The following PKNOX2 variants were observed in gnomAD, a reference collection of about 807,000 sequenced individuals.
PKNOX2 encodes the protein PBX/knotted 1 homeobox 2.
A neutral mutation model predicts 53.1 loss-of-function variants in PKNOX2; 14 were observed. That is an observed-to-expected ratio of 0.26 (90% confidence interval 0.17 to 0.41). The LOEUF (loss-of-function observed/expected upper bound fraction) is 0.41, where lower values mean the gene tolerates loss of function less well. PKNOX2 is among the 10% of genes least tolerant of loss of function. PKNOX2 has a pLI of 1.00. For synonymous variants in PKNOX2, 257 were observed against 242.8 expected (o/e 1.06, Z -0.54); for missense variants, 496 against 602.8 (o/e 0.82, Z 1.85).
At chr11:125,212,029 A>G (rs1939903556) in intron 1 of PKNOX2, among the ~76,000 whole-genome samples, 1 of 152,132 alleles carries the variant, frequency 6.6e-6, no homozygotes, top group Admixed American at 6.5e-5. Flanking sequence ...TGATTTATGA[A>G]CATTATTCTT....
At chr11:125,232,531 G>C (rs1942302678) in intron 1 of PKNOX2, among the ~76,000 whole-genome samples, 1 of 152,196 alleles carries the variant, frequency 6.6e-6, no homozygotes, top group Non-Finnish European at 1.5e-5. Context: ...AACCTATCCA[G>C]TGTGATTCCA....
At chr11:125,372,210 G>A (rs893894921) in intron 5 of PKNOX2, among the ~76,000 whole-genome samples, 2 of 152,256 alleles carry the variant, frequency 1.3e-5, no homozygotes, top group South Asian at 2.1e-4. Flanking sequence ...GAGCAGCTCC[G>A]ATTCGTAGCA....
At chr11:125,222,324 G>T (rs1193406293) in intron 1 of PKNOX2, among the ~76,000 whole-genome samples, 2 of 151,756 alleles carry the variant, frequency 1.3e-5, no homozygotes, top group Non-Finnish European at 2.9e-5. Flanking sequence ...TGCACTGGGG[G>T]GATCTTCTCC....
chr11:125,320,751 C>CA (rs1039455790), intron 2 of PKNOX2, among the ~76,000 whole-genome samples: 3 of 152,070 alleles, frequency 2.0e-5, no homozygotes, highest in Admixed American at 6.6e-5. Flanking sequence ...CTCTGAGGGT[C>CA]AAAAAAATCC....
intron 2 of PKNOX2, among the ~76,000 whole-genome samples, chr11:125,250,215 T>A (rs573833232): frequency 5.3e-5 from 8 of 152,102 alleles, no homozygotes; most frequent in Admixed American, 4.6e-4. Context: ...CATGCCCAGC[T>A]TGGGGTGATA....
chr11:125,254,033 C>T (rs1026664293), intron 2 of PKNOX2, among the ~76,000 whole-genome samples: 1 of 152,116 alleles, frequency 6.6e-6, no homozygotes, highest in African/African-American at 2.4e-5. Flanking sequence ...TTATGTAACA[C>T]CAGGCTTCCT....
intron 2 of PKNOX2, among the ~76,000 whole-genome samples, chr11:125,304,841 T>A (rs2135975481): frequency 6.6e-6 from 1 of 152,254 alleles, no homozygotes; most frequent in East Asian, 1.9e-4. Context: ...GATACATCTG[T>A]GAAGAAAACA....
intron 3 of PKNOX2, among the ~76,000 whole-genome samples, chr11:125,347,294 T>G (rs533466328): frequency 6.6e-6 from 1 of 152,196 alleles, no homozygotes; most frequent in South Asian, 2.1e-4. Context: ...GGCCAGAGAG[T>G]TCCCAATTAG....
At chr11:125,313,275 G>C (rs1948943515) in intron 2 of PKNOX2, among the ~76,000 whole-genome samples, 1 of 152,224 alleles carries the variant, frequency 6.6e-6, no homozygotes, top group South Asian at 2.1e-4. Context: ...GTGGGCAGGA[G>C]GGAGCTGCTG....
rs618888 is a variant in PKNOX2, at chr11:125,211,625, T to A, written c.-200-23420T>A. Among the ~76,000 whole-genome samples, 122 of 152,080 alleles carry A rather than the reference T, an allele frequency of 8.0e-4. 1 individual carries two copies. The highest frequency in any genetic ancestry group is 2.8e-3 in the African/African-American group (118 of 41,508). On this transcript the variant is annotated intron_variant, in intron 1 of 12. Transcript: ENST00000298282. The stretch of plus-strand genomic sequence containing the variant: ...GCTGAGCCCTGGAAGAATGTGGCCT[T>A]GGTCTTCTGGGCCTGCCCTCCTGGC...
rs965366191 is a variant in PKNOX2, at chr11:125,422,630, C to T, written c.937-6382C>T. 2.0e-5 allele frequency among the ~76,000 whole-genome samples: 3 copies of T among 152,092 alleles called. No individual in the cohort carries two copies. Among genetic ancestry groups the T allele is most frequent in the Admixed American group, 6.6e-5 (1 of 15,266 alleles). ...AGTCAGCTGCAGGGTTGCATGGAGGCGCTGAAAAGGGAAGGTGTGCAAGAG... is the reference window on the plus strand; with the variant it reads ...AGTCAGCTGCAGGGTTGCATGGAGGTGCTGAAAAGGGAAGGTGTGCAAGAG... On this transcript the variant is annotated intron_variant, in intron 10 of 12. Coordinates refer to ENST00000298282, the MANE Select transcript of PKNOX2 (RefSeq NM_001382323.2). The surrounding 1 kb of genome is among the most constrained non-coding windows in gnomAD (Gnocchi z 4.1).
intron 1 of PKNOX2, among the ~76,000 whole-genome samples, chr11:125,199,956 G>A (rs888803776): frequency 6.6e-6 from 1 of 152,220 alleles, no homozygotes; most frequent in African/African-American, 2.4e-5. Context: ...AATGAACCCT[G>A]GTCTTGCAGC....
At chr11:125,241,425 T>A (rs1283784846) in intron 2 of PKNOX2, among the ~76,000 whole-genome samples, 1 of 152,218 alleles carries the variant, frequency 6.6e-6, no homozygotes, top group African/African-American at 2.4e-5. Context: ...GCTGCGTTCC[T>A]TTGCCTGTAG....
intron 2 of PKNOX2, among the ~76,000 whole-genome samples, chr11:125,316,107 T>C (rs967633220): frequency 1.3e-5 from 2 of 152,170 alleles, no homozygotes; most frequent in African/African-American, 2.4e-5. Context: ...TGCGTTCTCA[T>C]GGAGCCCACG....
chr11:125,287,498 C>G (rs756046672), intron 2 of PKNOX2, among the ~76,000 whole-genome samples: 10 of 152,182 alleles, frequency 6.6e-5, no homozygotes, highest in Non-Finnish European at 1.0e-4. Context: ...CTCCTCTGTC[C>G]CATGTGGCGG....
At chr11:125,229,336 G>A (rs1942003399) in intron 1 of PKNOX2, among the ~76,000 whole-genome samples, 1 of 152,210 alleles carries the variant, frequency 6.6e-6, no homozygotes, top group African/African-American at 2.4e-5. Flanking sequence ...CAGTTAAAAG[G>A]AGGCGGCTGA....
At chr11:125,350,577 G>A (rs1172180411) in intron 3 of PKNOX2, among the ~76,000 whole-genome samples, 1 of 152,190 alleles carries the variant, frequency 6.6e-6, no homozygotes. Flanking sequence ...CTCCTTAATA[G>A]GATATGCAGG....
At chr11:125,424,718 C>A (rs671789) in intron 10 of PKNOX2, among the ~76,000 whole-genome samples, 39,852 of 151,370 alleles carry the variant, frequency 0.26, 5,949 homozygotes, top group Admixed American at 0.39. Flanking sequence ...CCTTGGTGAA[C>A]TGGCTCACCT....
At chr11:125,412,783 G>C (rs1442783872) in intron 10 of PKNOX2, among the ~76,000 whole-genome samples, 1 of 152,214 alleles carries the variant, frequency 6.6e-6, no homozygotes, top group Non-Finnish European at 1.5e-5. Flanking sequence ...CCATTGGCTG[G>C]AGAACTGTGG....
Sources: gnomAD v4.1 joint callset for allele counts (sites outside exome capture counted in the v4.1 genomes callset) on GRCh38, gnomAD v4.1.1 for gene constraint, Gnocchi (gnomAD v3.1) non-coding constraint, MANE v1.5 for transcripts, NCBI Gene and HGNC (gene_info 2026-07-23, HGNC 2026-07-21) for gene names.